Variants in CSTPP1 observed in about 807,000 individuals in gnomAD.
CSTPP1 encodes UPF0705 protein C11orf49.
chr11:46,953,286 A>G, the CSTPP1 span, among the ~76,000 whole-genome samples: 5 of 152,104 alleles, frequency 3.3e-5, no homozygotes, highest in Non-Finnish European at 5.9e-5. Flanking sequence ...TAGGGAAAGG[A>G]GGAGAGGGGG....
chr11:46,986,837 T>C, the CSTPP1 span, among the ~76,000 whole-genome samples: 1 of 152,230 alleles, frequency 6.6e-6, no homozygotes, highest in Admixed American at 6.5e-5. Context: ...GATAAGTTTC[T>C]GATGCAGAAA....
chr11:47,044,500 A>G, the CSTPP1 span, among the ~76,000 whole-genome samples: 421 of 152,354 alleles, frequency 2.8e-3, 3 homozygotes, highest in African/African-American at 9.4e-3. Context: ...TAGAGAATGA[A>G]TAATTTAAAA....
At chr11:47,085,122 T>TC in the CSTPP1 span, among the ~76,000 whole-genome samples, 1 of 152,110 alleles carries the variant, frequency 6.6e-6, no homozygotes. Flanking sequence ...AAGAATTGCT[T>TC]GAACCCGAGA....
At chr11:47,052,744 C>T in the CSTPP1 span, 1 of 457,734 alleles carries the variant, frequency 2.2e-6, no homozygotes, top group Non-Finnish European at 3.8e-6. Flanking sequence ...ACTATTACCA[C>T]TACCATCACT....
the CSTPP1 span, among the ~76,000 whole-genome samples, chr11:47,086,723 G>A: frequency 6.6e-6 from 1 of 152,142 alleles, no homozygotes; most frequent in South Asian, 2.1e-4. Flanking sequence ...TGAAATAAGA[G>A]AAACTACTTC....
At chr11:47,040,244 A>G in the CSTPP1 span, among the ~76,000 whole-genome samples, 1 of 128,752 alleles carries the variant, frequency 7.8e-6, no homozygotes, top group South Asian at 2.5e-4. Flanking sequence ...AGACACACCC[A>G]AATTCAAGAA....
chr11:47,032,576 A>T, the CSTPP1 span, among the ~76,000 whole-genome samples: 299 of 152,318 alleles, frequency 2.0e-3, 2 homozygotes, highest in East Asian at 6.9e-3. Flanking sequence ...AATTTAAAAA[A>T]TTTTTTTAAC....
the CSTPP1 span, among the ~76,000 whole-genome samples, chr11:46,951,109 T>A: frequency 6.6e-6 from 1 of 152,074 alleles, no homozygotes; most frequent in Non-Finnish European, 1.5e-5. Flanking sequence ...ACTGAGCTAG[T>A]ATGTCTGGAG....
At chr11:47,097,315 G>C in the CSTPP1 span, among the ~76,000 whole-genome samples, 1 of 129,686 alleles carries the variant, frequency 7.7e-6, no homozygotes. Context: ...GCCCCGTCCG[G>C]GAGGGAGGTG....
chr11:47,107,007 G>T, the CSTPP1 span, among the ~76,000 whole-genome samples: 1 of 152,154 alleles, frequency 6.6e-6, no homozygotes, highest in Non-Finnish European at 1.5e-5. Context: ...GGTTTGGCCT[G>T]AGCATCCTTA....
chr11:47,116,787 C>G, the CSTPP1 span, among the ~76,000 whole-genome samples: 24 of 144,744 alleles, frequency 1.7e-4, no homozygotes, highest in Non-Finnish European at 3.6e-4. Context: ...TCACGCCATT[C>G]TCCTGCCTCA....
chr11:47,111,450 A>G, the CSTPP1 span, among the ~76,000 whole-genome samples: 1 of 152,154 alleles, frequency 6.6e-6, no homozygotes, highest in African/African-American at 2.4e-5. Context: ...CATTGATATC[A>G]GAATGAGTTT....
the CSTPP1 span, chr11:47,157,219 G>A: frequency 6.4e-7 from 1 of 1,564,830 alleles, no homozygotes; most frequent in Non-Finnish European, 8.7e-7. Context: ...ACAAGTACAG[G>A]TGAGGAACGG....
chr11:47,017,667 CTTTT>C, the CSTPP1 span, among the ~76,000 whole-genome samples: 17 of 133,444 alleles, frequency 1.3e-4, no homozygotes, highest in African/African-American at 1.6e-4. Flanking sequence ...AATATATAAA[CTTTT>C]TTTTTTTTTT....
the CSTPP1 span, chr11:47,161,900 T>C: frequency 2.4e-6 from 3 of 1,256,420 alleles, no homozygotes; most frequent in Non-Finnish European, 3.0e-6. Flanking sequence ...TGAGGCCACC[T>C]TGTCACGCCG....
At chr11:46,970,975 GA>G in the CSTPP1 span, among the ~76,000 whole-genome samples, 1 of 152,162 alleles carries the variant, frequency 6.6e-6, no homozygotes, top group Non-Finnish European at 1.5e-5. Flanking sequence ...AGATGTACAT[GA>G]AGTATTAAGT....
At chr11:46,957,795 CT>C in the CSTPP1 span, among the ~76,000 whole-genome samples, 8 of 152,104 alleles carry the variant, frequency 5.3e-5, no homozygotes, top group Non-Finnish European at 8.8e-5. Flanking sequence ...TCTTTTCTGT[CT>C]TTTTTGATTT....
At chr11:47,011,500 G>T in the CSTPP1 span, among the ~76,000 whole-genome samples, 19 of 152,146 alleles carry the variant, frequency 1.2e-4, no homozygotes, top group African/African-American at 4.6e-4. Flanking sequence ...CCAAGTTTTG[G>T]GGTGTGGGCA....
chr11:47,028,930 C>T, the CSTPP1 span, among the ~76,000 whole-genome samples: 3 of 152,018 alleles, frequency 2.0e-5, no homozygotes, highest in East Asian at 1.9e-4. Context: ...CTCTCCCTCC[C>T]GGGCTCAAGC....
Sources: gnomAD v4.1 joint callset for allele counts (sites outside exome capture counted in the v4.1 genomes callset) on GRCh38, gnomAD v4.1.1 for gene constraint, MANE v1.5 for transcripts, NCBI Gene and HGNC (gene_info 2026-07-23, HGNC 2026-07-21) for gene names.